MID1: variants seen among roughly 807,000 people sequenced by gnomAD.
The protein encoded by MID1 is midline 1, also known as E3 ubiquitin-protein ligase Midline-1.
A neutral mutation model predicts 40.4 loss-of-function variants in MID1; 7 were observed. The observed-to-expected ratio is 0.17, with a 90% CI of 0.10 to 0.33. The LOEUF is 0.33. MID1 is among the 10% of genes least tolerant of loss of function. MID1 has a pLI of 1.00. For missense variants in MID1, 367 were observed against 558.5 expected, an observed-to-expected ratio of 0.66 and a Z score of 3.46; for synonymous variants, 229 against 221.2, an observed-to-expected ratio of 1.04 and a Z score of -0.31.
intron 3 of MID1, among the ~76,000 whole-genome samples, chrX:10,504,139 C>T (rs149742673): frequency 1.6e-3 from 178 of 111,598 alleles, no homozygotes; most frequent in African/African-American, 5.5e-3. Flanking sequence ...GAAGTCTTCC[C>T]GGGATTGAAA....
At chrX:10,528,778 C>T (rs1384243697) in intron 2 of MID1, among the ~76,000 whole-genome samples, 1 of 112,239 alleles carries the variant, frequency 8.9e-6, no homozygotes, top group Non-Finnish European at 1.9e-5. Flanking sequence ...GAAATAGATG[C>T]CACTCAATGA....
At chrX:10,724,382 A>G (rs925718226) in intron 1 of MID1, among the ~76,000 whole-genome samples, 1 of 112,097 alleles carries the variant, frequency 8.9e-6, no homozygotes, top group Non-Finnish European at 1.9e-5. Context: ...GTGTTGTCAG[A>G]GTAAGATGCT....
At chrX:10,744,034 A>G (rs73482904) in intron 1 of MID1, among the ~76,000 whole-genome samples, 1 of 111,475 alleles carries the variant, frequency 9.0e-6, no homozygotes, top group African/African-American at 3.3e-5. Context: ...GAAGACGCAA[A>G]TGAAAGGAGA....
intron 1 of MID1, among the ~76,000 whole-genome samples, chrX:10,728,190 T>TCC (rs199653296): frequency 5.5e-5 from 6 of 108,743 alleles, no homozygotes; most frequent in African/African-American, 2.0e-4. Context: ...CATCAACTTT[T>TCC]CCCCCCCCAG....
chrX:10,724,477 C>T (rs1050951650), intron 1 of MID1, among the ~76,000 whole-genome samples: 3 of 111,498 alleles, frequency 2.7e-5, no homozygotes, highest in Non-Finnish European at 3.8e-5. Flanking sequence ...GGAGAGAAGA[C>T]ATGTATGGGA....
intron 1 of MID1, among the ~76,000 whole-genome samples, chrX:10,595,539 A>C (rs1490584748): frequency 9.0e-6 from 1 of 111,661 alleles, no homozygotes; most frequent in Non-Finnish European, 1.9e-5. Context: ...TATAAATAAA[A>C]TAAAATAAAA....
intron 4 of MID1, among the ~76,000 whole-genome samples, chrX:10,489,554 C>G (rs1930813413): frequency 8.9e-6 from 1 of 112,214 alleles, no homozygotes; most frequent in African/African-American, 3.2e-5. Flanking sequence ...ATGTATGAAT[C>G]TACTTCTCAA....
intron 4 of MID1, 81 bp downstream of exon 4, chrX:10,495,503 C>G (rs1931196707): frequency 3.9e-6 from 3 of 773,243 alleles, no homozygotes; most frequent in South Asian, 4.2e-5. Context: ...GGGTTCTCAA[C>G]ATTTCCAAAG....
intron 1 of MID1, among the ~76,000 whole-genome samples, chrX:10,716,342 T>C (rs1602533533): frequency 9.0e-6 from 1 of 110,882 alleles, no homozygotes; most frequent in African/African-American, 3.3e-5. Context: ...TGCAGAGAAG[T>C]CCTTAAAGGA....
chrX:10,811,481 G>C (rs1023517103), intron 1 of MID1, among the ~76,000 whole-genome samples: 1 of 112,349 alleles, frequency 8.9e-6, no homozygotes, highest in Non-Finnish European at 1.9e-5. Flanking sequence ...TGTGTAAGTG[G>C]AGAAGCTGGG....
At chrX:10,584,208 C>T (rs1410498248) in intron 1 of MID1, among the ~76,000 whole-genome samples, 3 of 111,612 alleles carry the variant, frequency 2.7e-5, no homozygotes, top group Non-Finnish European at 5.6e-5. Context: ...TTAATCCATT[C>T]GTAAGGGCTT....
At chrX:10,699,024 A>G (rs951795426) in intron 1 of MID1, among the ~76,000 whole-genome samples, 3 of 111,865 alleles carry the variant, frequency 2.7e-5, no homozygotes, top group Non-Finnish European at 5.6e-5. Context: ...TTTTTCATAC[A>G]TTTATTTCCC....
At chrX:10,805,423 G>C (rs1345002310) in intron 1 of MID1, among the ~76,000 whole-genome samples, 2 of 107,913 alleles carry the variant, frequency 1.9e-5, no homozygotes, top group Non-Finnish European at 3.8e-5. Context: ...TGGCTGCATA[G>C]TATTCCATGG....
chrX:10,535,785 TA>T (rs972553089), intron 2 of MID1, among the ~76,000 whole-genome samples: 4 of 112,221 alleles, frequency 3.6e-5, no homozygotes, highest in East Asian at 2.8e-4. Context: ...GGAAAAACAT[TA>T]AAAAAATTCT....
chrX:10,548,138 C>T (rs973912738), intron 2 of MID1, among the ~76,000 whole-genome samples: 46 of 111,428 alleles, frequency 4.1e-4, no homozygotes, highest in African/African-American at 1.5e-3. Context: ...TATGGGAAGC[C>T]CTCATAAATT....
At chrX:10,817,678 G>GGT (rs1308825883) in intron 1 of MID1, among the ~76,000 whole-genome samples, 1 of 97,104 alleles carries the variant, frequency 1.0e-5, no homozygotes, top group African/African-American at 3.9e-5. Flanking sequence ...GGAGTGCAGT[G>GGT]GTGTGATCTT....
chrX:10,798,018 C>A (rs1371831998), intron 1 of MID1, among the ~76,000 whole-genome samples: 1 of 112,317 alleles, frequency 8.9e-6, no homozygotes, highest in Non-Finnish European at 1.9e-5. Context: ...TCAGCTGCTG[C>A]TGTTCTGAAA....
chrX:10,722,489 C>G (rs1260557960), intron 1 of MID1, among the ~76,000 whole-genome samples: 4 of 112,196 alleles, frequency 3.6e-5, no homozygotes, highest in African/African-American at 9.7e-5. Context: ...TTCTCCCCAA[C>G]CAAACCAGTG....
chrX:10,702,940 G>A (rs2043201941), intron 1 of MID1, among the ~76,000 whole-genome samples: 1 of 111,835 alleles, frequency 8.9e-6, no homozygotes, highest in South Asian at 3.8e-4. Context: ...GAAAGGTAAT[G>A]TGAGGCTGCA....
Sources: allele counts gnomAD v4.1 joint callset (sites outside exome capture counted in the v4.1 genomes callset), GRCh38; gene constraint gnomAD v4.1.1; transcripts MANE v1.5; gene names NCBI Gene and HGNC (gene_info 2026-07-23, HGNC 2026-07-21).